OGA: variants seen among roughly 807,000 people sequenced by gnomAD.
OGA encodes protein O-GlcNAcase.
OGA carries 21 observed loss-of-function variants against 102.0 expected under a neutral mutation model. That is an observed-to-expected ratio of 0.21 (90% CI 0.15 to 0.30). The LOEUF is 0.30. Among genes scored for constraint, OGA ranks in the 10% least tolerant of loss-of-function variants. OGA has a pLI of 1.00. For missense variants in OGA, 765 were observed against 1,107.8 expected, an observed-to-expected ratio of 0.69 and a Z score of 4.39; for synonymous variants, 408 against 378.2, an observed-to-expected ratio of 1.08 and a Z score of -0.91.
chr10:101,808,055 A>G (rs1220644826), intron 4 of OGA, among the ~76,000 whole-genome samples, 154 bp from the exon 5 acceptor site: 1 of 152,208 alleles, frequency 6.6e-6, no homozygotes, highest in Admixed American at 6.5e-5. Flanking sequence ...AAAAATCGTA[A>G]GTTAAACAGT....
At position 101,798,133 on chromosome 10, in the gene OGA, C is replaced by T; in HGVS notation, c.1831G>A (p.Ala611Thr). The T allele has an allele frequency of 6.2e-7, 1 of 1,614,036 alleles. No homozygotes were observed. The highest frequency in any genetic ancestry group is 8.5e-7 in the Non-Finnish European group (1 of 1,180,002). Residue 611 changes from alanine (A) to threonine (T), a missense_variant, in exon 10 of 16, where the codon GCA becomes ACA. This residue lies in a region of OGA where 281 missense variants were observed against 345.8 expected (regional missense o/e 0.81). Coordinates refer to ENST00000361464, the MANE Select transcript of OGA (RefSeq NM_012215.5). ...CCACACATCTCTTCAAACTTGGCTG[C>T]TCGTGACCGCCATTCTTCAATCTAT... ...SEKIEEWRSR[A>T]AKFEEMCGLV...
Position 101,804,584 on chromosome 10 carries a change from C to T in OGA, c.752-565G>A, listed in dbSNP as rs1033079136. Among the ~76,000 whole-genome samples, 10 of 152,006 alleles carry T rather than the reference C, an allele frequency of 6.6e-5. No individual in the cohort carries two copies. In the East Asian group the frequency reaches 7.7e-4, roughly 12 times the overall value. On this transcript the variant is annotated intron_variant, in intron 6 of 15. Coordinates refer to ENST00000361464, the MANE Select transcript of OGA (RefSeq NM_012215.5). ...CACTGCGCCTGGCCCCTTACATGTA[C>T]ATTTTATAACAACGTTTCTTTTTCT...
intron 1 of OGA, among the ~76,000 whole-genome samples, chr10:101,817,211 T>A (rs2135106616): frequency 6.6e-6 from 1 of 152,338 alleles, no homozygotes; most frequent in East Asian, 1.9e-4. Context: ...CAATTACGCA[T>A]CTCAGATACT....
intron 1 of OGA, among the ~76,000 whole-genome samples, chr10:101,816,075 C>CG (rs1249151010): frequency 4.1e-5 from 6 of 148,100 alleles, no homozygotes; most frequent in African/African-American, 1.3e-4. Context: ...AGGTGGAAAC[C>CG]TGCCTGGGCA....
chr10:101,792,733 T>C (rs2065273429), intron 12 of OGA, 106 bp downstream of exon 12: 2 of 711,886 alleles, frequency 2.8e-6, no homozygotes, highest in Non-Finnish European at 4.7e-6. Context: ...CATCTAAAGT[T>C]TGCAGTTTTA....
chr10:101,792,499 G>T (rs1003872721), intron 12 of OGA: 4 of 176,862 alleles, frequency 2.3e-5, no homozygotes, highest in Non-Finnish European at 3.6e-5. Flanking sequence ...ACAGCCTGTA[G>T]ATACTTCACA....
rs763720317 is a variant in OGA at position 101,807,774 on chromosome 10, T to C, written c.608A>G (p.Tyr203Cys). The change falls in exon 5 of 16, where the codon TAT becomes TGT. Residue 203 changes from tyrosine to cysteine, a missense_variant. Physicochemically the swap from Tyr to Cys is radical, Grantham distance 194. Transcript: ENST00000361464. ...AGTTTCTGGCTCTCCTAGGTACTGA[T>C]AGATTTCATTTGTGATGGAGACTTG... Reference protein sequence around the residue: ...HAQVSITNEIYQYLGEPETFL... With the variant: ...HAQVSITNEICQYLGEPETFL... 1.2e-6 allele frequency: 2 copies of C among 1,611,120 alleles called. No individual in the cohort carries two copies. Among genetic ancestry groups the C allele is most frequent in the Non-Finnish European group, 1.7e-6 (2 of 1,178,936 alleles).
rs1374835245 is a variant in OGA, at chr10:101,818,219, G to C, written c.-197C>G. 11 of 1,344,084 alleles carry C rather than the reference G, an allele frequency of 8.2e-6. No homozygotes were observed. Among genetic ancestry groups the C allele is most frequent in the East Asian group, 3.0e-5 (1 of 33,138 alleles). 83.3% of individuals were successfully genotyped at this position (1,344,084 alleles called of 1,614,324 possible). On this transcript the variant is annotated 5_prime_UTR_variant, in exon 1 of 16. Coordinates refer to ENST00000361464, the MANE Select transcript of OGA (RefSeq NM_012215.5). ...ATGAGAAGGGCGGCGGCACCGGCGC[G>C]AGCCCTTTGTCAGCCGCAGCCTCGG...
Position 101,818,245 on chromosome 10 carries a change from C to T in OGA, c.-223G>A. The T allele has an allele frequency of 7.5e-7, 1 of 1,327,866 alleles. No individual in the cohort carries two copies. Among genetic ancestry groups the T allele is most frequent in the Non-Finnish European group, 9.6e-7 (1 of 1,041,842 alleles). 82.3% of individuals were successfully genotyped at this position (1,327,866 alleles called of 1,614,324 possible). ...AGCCCTTTGTCAGCCGCAGCCTCGG[C>T]TTTAAGCTGGGGCGCCAGAAGCCTA... On this transcript the variant is annotated 5_prime_UTR_variant, in exon 1 of 16. Coordinates refer to ENST00000361464, the MANE Select transcript of OGA (RefSeq NM_012215.5).
chr10:101,791,508 AAGTC>A (rs2065258867), intron 12 of OGA, 69 bp from the exon 13 acceptor site: 3 of 1,298,318 alleles, frequency 2.3e-6, no homozygotes, highest in Admixed American at 3.4e-5. Context: ...TATAACTCAC[AAGTC>A]AGTCTGGGGA....
rs146464202 is a variant in OGA at position 101,807,952 on chromosome 10, A to G, written c.481-51T>C. 507 of 1,381,482 alleles carry G rather than the reference A, an allele frequency of 3.7e-4. 5 individuals carry two copies. The East Asian group carries it at 0.012, about 34-fold the overall frequency. The allele number at this position is 1,381,482 out of a possible 1,614,324, so 85.6% of individuals were successfully genotyped here. A position where few individuals can be genotyped will look rare whatever the true frequency, so the allele number is the denominator to read the frequency against. On this transcript the variant is annotated intron_variant, in intron 4 of 15. Coordinates refer to ENST00000361464, the MANE Select transcript of OGA (RefSeq NM_012215.5). Reference sequence around the variant, plus strand: ...CAAGAGTAAAAAAATTAAGAATTCCAAACATTACAGCGTTAACAGTTATAC... The same window carrying G: ...CAAGAGTAAAAAAATTAAGAATTCCGAACATTACAGCGTTAACAGTTATAC...
intron 1 of OGA, 131 bp downstream of exon 1, chr10:101,817,693 G>T: frequency 9.6e-7 from 1 of 1,038,804 alleles, no homozygotes; most frequent in South Asian, 1.6e-5. Flanking sequence ...CTCTCCCCTC[G>T]CTTTAGGAGG....
Position 101,794,005 on chromosome 10 carries a change from A to G in OGA, c.1985-7T>C. On this transcript the variant is annotated splice_polypyrimidine_tract_variant and splice_region_variant and intron_variant, in intron 10 of 15. Transcript: ENST00000361464. ...GAAGAATGACTACGACACCCTGTTG[A>G]GATCAGATCCAAGCGGAGAACGTTA... 2 of 1,606,890 alleles carry G rather than the reference A, an allele frequency of 1.2e-6. No individual in the cohort carries two copies. The highest frequency in any genetic ancestry group is 1.7e-6 in the Non-Finnish European group (2 of 1,173,862).
chr10:101,791,599 T>G, intron 12 of OGA, 160 bp from the exon 13 acceptor site: 1 of 612,472 alleles, frequency 1.6e-6, no homozygotes, highest in Middle Eastern at 2.7e-4. Flanking sequence ...ATTTATTCAT[T>G]GAGTCAGATT....
At chr10:101,797,940 A>G in intron 10 of OGA, 40 bp downstream of exon 10, 1 of 1,579,440 alleles carries the variant, frequency 6.3e-7, no homozygotes, top group South Asian at 1.1e-5. Flanking sequence ...TTAAAGGGAC[A>G]ATATATTTGA....
chr10:101,813,139 A>G lies in OGA; in HGVS notation c.252-12T>C. ...CCCATTTCTGGAGCCTTAAGGAGAA[A>G]GAAAATTACATATGTATAAACAGGC... On this transcript the variant is annotated splice_polypyrimidine_tract_variant and intron_variant, in intron 2 of 15. Coordinates refer to ENST00000361464, the MANE Select transcript of OGA (RefSeq NM_012215.5). 1 of 1,545,872 alleles carries G rather than the reference A, an allele frequency of 6.5e-7. No homozygotes were observed. The highest frequency in any genetic ancestry group is 8.9e-7 in the Non-Finnish European group (1 of 1,128,450).
chr10:101,801,159 G>A (rs1297578451), intron 7 of OGA, among the ~76,000 whole-genome samples: 1 of 152,032 alleles, frequency 6.6e-6, no homozygotes, highest in East Asian at 1.9e-4. Context: ...GGGAGGCTGA[G>A]GCGGGCAAAT....
chr10:101,803,638 G>C (rs953004801), intron 7 of OGA, 97 bp downstream of exon 7: 5 of 1,246,600 alleles, frequency 4.0e-6, no homozygotes, highest in Admixed American at 2.4e-5. Context: ...AAATAAAACT[G>C]TTTAAGTTGT....
At chr10:101,801,410 AG>A (rs1220809828) in intron 7 of OGA, among the ~76,000 whole-genome samples, 1 of 151,744 alleles carries the variant, frequency 6.6e-6, no homozygotes, top group East Asian at 1.9e-4. Flanking sequence ...AAAAAAAAAA[AG>A]AGATAATCGA....
Sources: gnomAD v4.1 joint callset for allele counts (sites outside exome capture counted in the v4.1 genomes callset) on GRCh38, gnomAD v4.1.1 for gene constraint, gnomAD v4.1.1 regional missense constraint, MANE v1.5 for transcripts, NCBI Gene and HGNC (gene_info 2026-07-23, HGNC 2026-07-21) for gene names.